The following MIER1 variants were observed in gnomAD, a reference collection of about 807,000 sequenced individuals.
The protein encoded by MIER1 is MIER1 transcriptional regulator.
In MIER1, 40 loss-of-function variants were observed where a neutral mutation model predicts 75.7. The observed-to-expected ratio is 0.53, with a 90% CI of 0.41 to 0.69. The LOEUF (loss-of-function observed/expected upper bound fraction) is 0.69, where lower values mean the gene tolerates loss of function less well. MIER1 is among the 30% of genes least tolerant of loss of function. The pLI is 0.00. For missense variants in MIER1, 574 were observed against 680.2 expected (o/e 0.84, Z 1.74); for synonymous variants, 213 against 223.4 (o/e 0.95, Z 0.42).
At position 66,986,633 on chromosome 1, in the gene MIER1, A is replaced by C; in HGVS notation, c.*1733A>C. ...CCAATGTGAACAACTTTTTTTCCCA[A>C]ACAGTGTTAAAAGCCACTTTGCAAC... On this transcript the variant is annotated 3_prime_UTR_variant, in exon 14 of 14. Transcript: ENST00000401041. 1.7e-6 allele frequency: 1 copy of C among 597,718 alleles called. No individual in the cohort carries two copies. The highest frequency in any genetic ancestry group is 2.9e-6 in the Non-Finnish European group (1 of 340,104). 37.0% of individuals were successfully genotyped at this position (597,718 alleles called of 1,614,324 possible). A position where few individuals can be genotyped will look rare whatever the true frequency, so the allele number is the denominator to read the frequency against.
chr1:66,945,133 A>G (rs1357893087), intron 3 of MIER1, among the ~76,000 whole-genome samples: 1 of 152,244 alleles, frequency 6.6e-6, no homozygotes, highest in South Asian at 2.1e-4. Flanking sequence ...ATGACTATAC[A>G]GTCATCCTTC....
intron 4 of MIER1, 177 bp downstream of exon 4, chr1:66,946,472 A>G (rs988036762): frequency 6.7e-6 from 9 of 1,340,164 alleles, no homozygotes; most frequent in Non-Finnish European, 8.6e-6. Context: ...TTTAAAAACA[A>G]TAACTTTATT....
intron 10 of MIER1, among the ~76,000 whole-genome samples, chr1:66,972,282 A>G (rs1401012446): frequency 6.1e-5 from 9 of 146,614 alleles, no homozygotes; most frequent in Non-Finnish European, 1.2e-4. Flanking sequence ...CAAATGAGAG[A>G]TATTTATTTA....
intron 4 of MIER1, chr1:66,947,648 G>C (rs1657970598): frequency 6.6e-6 from 1 of 152,116 alleles, no homozygotes; most frequent in Non-Finnish European, 1.5e-5. Flanking sequence ...TCTTTCTCCT[G>C]ATACATTTCC....
chr1:66,983,135 C>T (rs866104335), intron 13 of MIER1, among the ~76,000 whole-genome samples: 8 of 152,256 alleles, frequency 5.3e-5, no homozygotes, highest in Admixed American at 1.3e-4. Context: ...CTCAACATTA[C>T]GTACAGTCAA....
intron 2 of MIER1, among the ~76,000 whole-genome samples, chr1:66,937,957 G>A (rs547263522): frequency 6.6e-6 from 1 of 152,206 alleles, no homozygotes; most frequent in East Asian, 1.9e-4. Flanking sequence ...ACCACTCCTA[G>A]TTCTCCACTT....
intron 4 of MIER1, 82 bp from the exon 5 acceptor site, chr1:66,957,977 T>C: frequency 2.6e-6 from 2 of 781,710 alleles, no homozygotes; most frequent in Non-Finnish European, 3.9e-6. Context: ...ATAGAATGAA[T>C]ACTCCACAGA....
chr1:66,945,312 TATATAA>T lies in MIER1; in HGVS notation c.194-836_194-831del, dbSNP rs1219301759. 3.7e-3 allele frequency among the ~76,000 whole-genome samples: 318 copies of T among 85,018 alleles called. 7 individuals are homozygous for T. Among genetic ancestry groups the T allele is most frequent in the Middle Eastern group, 7.2e-3 (1 of 138 alleles). The allele number at this position is 85,018 out of a possible 152,430, so 55.8% of individuals were successfully genotyped here. ...ATATATATATATATATATATATATATATATAAAATACCTAATATAGGTAAATGCTAT... is the reference window on the plus strand; with the variant it reads ...ATATATATATATATATATATATATATAATACCTAATATAGGTAAATGCTAT... On this transcript the variant is annotated intron_variant, in intron 3 of 13. Coordinates refer to ENST00000401041, the MANE Select transcript of MIER1 (RefSeq NM_001077700.3).
intron 1 of MIER1, chr1:66,925,305 C>G (rs1326945693): frequency 1.0e-6 from 1 of 985,156 alleles, no homozygotes; most frequent in African/African-American, 1.7e-5. Context: ...AGCTTCCTCC[C>G]TCTGGCCATC....
intron 2 of MIER1, chr1:66,928,916 A>C: frequency 6.2e-7 from 1 of 1,608,854 alleles, no homozygotes; most frequent in Non-Finnish European, 8.5e-7. Flanking sequence ...GTTTATGTTT[A>C]ATTGGTTTAC....
At chr1:66,977,871 A>G (rs1343039287) in intron 12 of MIER1, among the ~76,000 whole-genome samples, 3 of 152,178 alleles carry the variant, frequency 2.0e-5, no homozygotes, top group African/African-American at 4.8e-5. Context: ...TCCAGTAAAG[A>G]TGTTCTTAAA....
chr1:66,925,160 G>A, intron 1 of MIER1, 65 bp downstream of exon 1: 1 of 1,526,090 alleles, frequency 6.6e-7, no homozygotes, highest in Non-Finnish European at 8.8e-7. Context: ...GGGCTCCTGA[G>A]GTGTCCTCAG....
intron 11 of MIER1, among the ~76,000 whole-genome samples, chr1:66,973,891 G>T (rs1664177302): frequency 6.6e-6 from 1 of 152,062 alleles, no homozygotes. Flanking sequence ...CCAGGACCTT[G>T]TTGAAAGTAC....
chr1:66,954,333 AGCC>A (rs1293187649), intron 4 of MIER1, among the ~76,000 whole-genome samples: 2 of 152,340 alleles, frequency 1.3e-5, no homozygotes, highest in Admixed American at 1.3e-4. Flanking sequence ...GTATAACAGA[AGCC>A]TTTAAAAATT....
chr1:66,981,074 A>G (rs527953877), intron 12 of MIER1, among the ~76,000 whole-genome samples: 9 of 128,010 alleles, frequency 7.0e-5, no homozygotes, highest in African/African-American at 3.2e-4. Flanking sequence ...ATATAATACA[A>G]TAACCATGTG....
At chr1:66,969,568 A>AG (rs1001972549) in intron 8 of MIER1, among the ~76,000 whole-genome samples, 1 of 149,072 alleles carries the variant, frequency 6.7e-6, no homozygotes, top group Non-Finnish European at 1.5e-5. Context: ...AAAAAAAAAA[A>AG]AAAAAAATCA....
In MIER1 at chr1:66,984,962, G is replaced by A; in HGVS notation, c.*62G>A. ...TGGTGTGACTAAAATTTTCAGGGTT[G>A]ATGGGTTACCTTAAAAAGTTGATTT... On this transcript the variant is annotated 3_prime_UTR_variant, in exon 14 of 14. Transcript: ENST00000401041. 4 of 1,497,202 alleles carry A rather than the reference G, an allele frequency of 2.7e-6. No homozygotes were observed. Among genetic ancestry groups the A allele is most frequent in the Non-Finnish European group, 3.5e-6 (4 of 1,127,050 alleles). 92.7% of individuals were successfully genotyped at this position (1,497,202 alleles called of 1,614,324 possible). A position where few individuals can be genotyped will look rare whatever the true frequency, so the allele number is the denominator to read the frequency against.
At chr1:66,959,449 T>G (rs1422312592) in intron 6 of MIER1, among the ~76,000 whole-genome samples, 4 of 152,276 alleles carry the variant, frequency 2.6e-5, no homozygotes, top group African/African-American at 4.8e-5. Context: ...TCCCCTAAGT[T>G]TTTATAGGAA....
intron 4 of MIER1, chr1:66,948,096 C>T (rs781581368): frequency 4.3e-6 from 4 of 928,420 alleles, no homozygotes; most frequent in Non-Finnish European, 5.1e-6. Context: ...ATTGTCTGTA[C>T]CTCCACTGGT....
Sources: allele counts gnomAD v4.1 joint callset (sites outside exome capture counted in the v4.1 genomes callset), GRCh38; gene constraint gnomAD v4.1.1; transcripts MANE v1.5; gene names NCBI Gene and HGNC (gene_info 2026-07-23, HGNC 2026-07-21).